Variants in CHCHD6 observed in about 807,000 individuals in gnomAD.
CHCHD6 encodes the protein MICOS complex subunit MIC25.
Under a neutral mutation model 32.3 loss-of-function variants are expected in CHCHD6, and 28 were observed. The ratio of observed to expected loss-of-function variants is 0.87; its 90% CI spans 0.64 to 1.19. The LOEUF (loss-of-function observed/expected upper bound fraction) is 1.19. CHCHD6 is among the 50% of genes most tolerant of loss of function. The pLI is 0.00. For synonymous variants in CHCHD6, 122 were observed against 117.5 expected (o/e 1.04, Z -0.25); for missense variants, 333 against 307.0 (o/e 1.08, Z -0.63).
At chr3:126,779,315 G>A (rs1454342261) in intron 4 of CHCHD6, among the ~76,000 whole-genome samples, 3 of 151,976 alleles carry the variant, frequency 2.0e-5, no homozygotes, top group Non-Finnish European at 4.4e-5. Context: ...AAGGCAGGTG[G>A]ATCACGAGGT....
At chr3:126,819,334 C>T (rs1024308970) in intron 4 of CHCHD6, among the ~76,000 whole-genome samples, 1 of 152,208 alleles carries the variant, frequency 6.6e-6, no homozygotes, top group African/African-American at 2.4e-5. Context: ...GCTTGACCTT[C>T]CTTGCCCACT....
At chr3:126,914,476 G>A (rs765726734) in intron 5 of CHCHD6, among the ~76,000 whole-genome samples, 4 of 152,236 alleles carry the variant, frequency 2.6e-5, no homozygotes, top group African/African-American at 9.6e-5. Context: ...ATCTCATAAC[G>A]CACTTGCAGC....
intron 4 of CHCHD6, among the ~76,000 whole-genome samples, chr3:126,839,591 C>T (rs1940990251): frequency 6.6e-6 from 1 of 152,096 alleles, no homozygotes; most frequent in Admixed American, 6.6e-5. Context: ...CCCTTCCCTG[C>T]TGCATCTAAT....
chr3:126,720,309 C>T (rs1322510474), intron 1 of CHCHD6, among the ~76,000 whole-genome samples: 1 of 152,206 alleles, frequency 6.6e-6, no homozygotes, highest in Non-Finnish European at 1.5e-5. Flanking sequence ...TTGCCTCATC[C>T]TCATCCACAT....
chr3:126,730,474 TG>T, intron 2 of CHCHD6, 86 bp from the exon 3 acceptor site: 1 of 1,070,172 alleles, frequency 9.3e-7, no homozygotes, highest in Non-Finnish European at 1.4e-6. Flanking sequence ...CATTCATTCA[TG>T]GGGGTCATTC....
chr3:126,798,578 C>T (rs1005257504), intron 4 of CHCHD6, among the ~76,000 whole-genome samples: 36 of 148,270 alleles, frequency 2.4e-4, no homozygotes, highest in Admixed American at 1.7e-3. Flanking sequence ...CGATGGTACT[C>T]GTTCTGTTAC....
At chr3:126,915,931 C>CA (rs2078162795) in intron 6 of CHCHD6, among the ~76,000 whole-genome samples, 1 of 151,720 alleles carries the variant, frequency 6.6e-6, no homozygotes, top group Non-Finnish European at 1.5e-5. Context: ...ACTGAGACCA[C>CA]AGGCATGTGC....
intron 4 of CHCHD6, among the ~76,000 whole-genome samples, chr3:126,744,984 C>T (rs987956800): frequency 2.0e-5 from 3 of 152,182 alleles, no homozygotes; most frequent in African/African-American, 7.2e-5. Flanking sequence ...TCAGCCATCA[C>T]ATCAATTTTC....
In CHCHD6 at chr3:126,825,477, G is replaced by C. The variant is rs191532700; in HGVS notation, c.412-27170G>C. On this transcript the variant is annotated intron_variant, in intron 4 of 7. Transcript: ENST00000290913. ...ATTTTCTCTTTTTCTTACTTTTTTT[G>C]GTCTGCTATCAGTCACAGAGTATCC... Among the ~76,000 whole-genome samples, 246 of 151,686 alleles carry C rather than the reference G, an allele frequency of 1.6e-3. 1 individual carries two copies. Among genetic ancestry groups the C allele is most frequent in the Non-Finnish European group, 2.8e-3 (191 of 67,856 alleles).
rs1935489279 is a variant in CHCHD6, at chr3:126,725,509, G to A, written c.88-1569G>A. On this transcript the variant is annotated intron_variant, in intron 1 of 7. Transcript: ENST00000290913. ...ATTCTTAAAGGCCCTAGAGTTTTCAGAAGGCTAAATGAACATTGGCTTCCA... is the reference window on the plus strand; with the variant it reads ...ATTCTTAAAGGCCCTAGAGTTTTCAAAAGGCTAAATGAACATTGGCTTCCA... Among the ~76,000 whole-genome samples, 3 of 152,226 alleles carry A rather than the reference G, an allele frequency of 2.0e-5. No individual in the cohort carries two copies. In the South Asian group the frequency reaches 6.2e-4, roughly 32 times the overall value.
chr3:126,798,551 G>A (rs1938907581), intron 4 of CHCHD6, among the ~76,000 whole-genome samples: 1 of 152,160 alleles, frequency 6.6e-6, no homozygotes, highest in Non-Finnish European at 1.5e-5. Context: ...CATGATGCGA[G>A]CATCCTCTCG....
chr3:126,865,085 TTCC>T (rs141768917), intron 5 of CHCHD6, among the ~76,000 whole-genome samples: 3 of 61,856 alleles, frequency 4.8e-5, no homozygotes, highest in African/African-American at 2.1e-4. Context: ...CCTCCACTTC[TTCC>T]TCCTCCTCCT....
chr3:126,929,895 T>G (rs1221121801), intron 6 of CHCHD6, among the ~76,000 whole-genome samples: 3 of 152,204 alleles, frequency 2.0e-5, no homozygotes, highest in Non-Finnish European at 4.4e-5. Flanking sequence ...ACCTGCTAAG[T>G]ATGCCTTCCC....
chr3:126,734,333 G>A (rs1453635864), intron 4 of CHCHD6, among the ~76,000 whole-genome samples: 1 of 152,240 alleles, frequency 6.6e-6, no homozygotes, highest in Admixed American at 6.5e-5. Flanking sequence ...TCTGCTGGAG[G>A]CCATGAGGTT....
intron 6 of CHCHD6, among the ~76,000 whole-genome samples, chr3:126,948,908 A>G (rs1257691686): frequency 6.6e-6 from 1 of 152,028 alleles, no homozygotes; most frequent in East Asian, 1.9e-4. Flanking sequence ...TTCACCCCAT[A>G]CCTTTCACTG....
At chr3:126,912,975 C>G (rs2078114342) in intron 5 of CHCHD6, among the ~76,000 whole-genome samples, 1 of 124,222 alleles carries the variant, frequency 8.1e-6, no homozygotes, top group Non-Finnish European at 1.8e-5. Flanking sequence ...CTCTGTGCAC[C>G]TCTCACTTCG....
Position 126,704,281 on chromosome 3 carries a change from T to C in CHCHD6, c.-32T>C. On this transcript the variant is annotated 5_prime_UTR_variant, in exon 1 of 8. Coordinates refer to ENST00000290913, the MANE Select transcript of CHCHD6 (RefSeq NM_032343.3). ...GGTTGCTCTGGAGCCGGGTCTCGGG[T>C]CTGGTGGCTGCCGGCCCTGCGGCAT... 3 of 1,576,782 alleles carry C rather than the reference T, an allele frequency of 1.9e-6. No homozygotes were observed. Among genetic ancestry groups the C allele is most frequent in the Non-Finnish European group, 2.6e-6 (3 of 1,155,918 alleles).
chr3:126,865,574 C>G (rs1942263164), intron 5 of CHCHD6: 1 of 985,250 alleles, frequency 1.0e-6, no homozygotes, highest in South Asian at 4.7e-5. Context: ...ACCTCTGCTT[C>G]TCCCTCTTCC....
At chr3:126,834,367 A>T (rs1359023018) in intron 4 of CHCHD6, among the ~76,000 whole-genome samples, 1 of 152,172 alleles carries the variant, frequency 6.6e-6, no homozygotes, top group African/African-American at 2.4e-5. Flanking sequence ...GTTTGGATGG[A>T]GAGAGAAGAC....
Sources: allele counts gnomAD v4.1 joint callset (sites outside exome capture counted in the v4.1 genomes callset), GRCh38; gene constraint gnomAD v4.1.1; transcripts MANE v1.5; gene names NCBI Gene and HGNC (gene_info 2026-07-23, HGNC 2026-07-21).